EFHC2: variants seen among roughly 807,000 people sequenced by gnomAD.
The protein encoded by EFHC2 is EF-hand domain-containing family member C2.
In EFHC2, 18 loss-of-function variants were observed where a neutral mutation model predicts 52.7. The ratio of observed to expected loss-of-function variants is 0.34; its 90% confidence interval spans 0.24 to 0.51. The LOEUF (loss-of-function observed/expected upper bound fraction) is 0.51. Among genes scored for constraint, EFHC2 ranks in the 20% least tolerant of loss-of-function variants. The pLI, the probability that EFHC2 is intolerant of heterozygous loss-of-function variation, is 0.97. For synonymous variants in EFHC2, 203 were observed against 204.1 expected (o/e 0.99, Z 0.04); for missense variants, 513 against 562.5 (o/e 0.91, Z 0.89).
intron 11 of EFHC2, among the ~76,000 whole-genome samples, chrX:44,209,221 C>A (rs1393887357): frequency 9.0e-6 from 1 of 110,642 alleles, no homozygotes; most frequent in East Asian, 2.8e-4. Flanking sequence ...AAACAGAATG[C>A]AAAATTCACA....
At chrX:44,192,096 A>G (rs199547459) in intron 11 of EFHC2, among the ~76,000 whole-genome samples, 5 of 93,001 alleles carry the variant, frequency 5.4e-5, no homozygotes, top group African/African-American at 2.1e-4. Context: ...GTGTGTGTGT[A>G]TAAAACCTGT....
chrX:44,179,581 T>C (rs1410649057), intron 11 of EFHC2, among the ~76,000 whole-genome samples: 1 of 112,250 alleles, frequency 8.9e-6, no homozygotes, highest in Non-Finnish European at 1.9e-5. Flanking sequence ...TTGACCTATC[T>C]AAAGGAAATT....
chrX:44,315,332 G>A (rs1003456422), intron 1 of EFHC2, among the ~76,000 whole-genome samples: 17 of 109,966 alleles, frequency 1.5e-4, no homozygotes, highest in African/African-American at 3.7e-4. Flanking sequence ...CCAGCCTCAC[G>A]TATTTCTTTA....
Position 44,309,876 on chromosome X carries a change from A to C in EFHC2, c.231+2692T>G, listed in dbSNP as rs926556418. 4.3e-6 allele frequency: 5 copies of C among 1,171,887 alleles called. No individual in the cohort carries two copies. The African/African-American group carries it at 7.1e-5, about 17-fold the overall frequency. ...CCCAATCTGCCTTCTTCTTGACACA[A>C]GGCATCGTTCAATGGCATTGAAGAG... On this transcript the variant is annotated intron_variant, in intron 2 of 14. Transcript: ENST00000420999.
At position 44,232,688 on chromosome X, in the gene EFHC2, T is replaced by C. The variant is rs772786586; in HGVS notation, c.1424-11A>G. The C allele has an allele frequency of 3.7e-5, 44 of 1,176,642 alleles. No homozygotes were observed. The highest frequency in any genetic ancestry group is 4.9e-5 in the Non-Finnish European group (43 of 878,026). On this transcript the variant is annotated splice_polypyrimidine_tract_variant and intron_variant, in intron 9 of 14. Coordinates refer to ENST00000420999, the MANE Select transcript of EFHC2 (RefSeq NM_025184.4). Reference sequence around the variant, plus strand: ...TCCCACCAGCAATTCCTATAAAAAATAGAAAAGTTCATGAGCAGCCTTTAT... The same window carrying C: ...TCCCACCAGCAATTCCTATAAAAAACAGAAAAGTTCATGAGCAGCCTTTAT...
intron 7 of EFHC2, among the ~76,000 whole-genome samples, chrX:44,244,393 A>G (rs769231131): frequency 1.8e-5 from 2 of 112,203 alleles, no homozygotes; most frequent in Non-Finnish European, 3.8e-5. Flanking sequence ...TTGGTTTTCC[A>G]TCATCCCAGC....
At chrX:44,328,948 T>G (rs2038069470) in intron 1 of EFHC2, among the ~76,000 whole-genome samples, 1 of 111,763 alleles carries the variant, frequency 8.9e-6, no homozygotes, top group Non-Finnish European at 1.9e-5. Flanking sequence ...GCTCCCGGAC[T>G]GTGGAGTGTA....
chrX:44,226,322 G>A (rs773959119), intron 11 of EFHC2, among the ~76,000 whole-genome samples: 29 of 111,388 alleles, frequency 2.6e-4, no homozygotes, highest in African/African-American at 8.8e-4. Context: ...TGAAGCTGCA[G>A]ATGTAAAGAA....
At chrX:44,205,049 A>G (rs2037037474) in intron 11 of EFHC2, among the ~76,000 whole-genome samples, 1 of 111,882 alleles carries the variant, frequency 8.9e-6, no homozygotes, top group Admixed American at 9.5e-5. Flanking sequence ...TTGGAGACCT[A>G]TTTTTAGCCT....
At chrX:44,214,545 TAA>T (rs1339022569) in intron 11 of EFHC2, among the ~76,000 whole-genome samples, 3 of 111,871 alleles carry the variant, frequency 2.7e-5, no homozygotes, top group Non-Finnish European at 5.6e-5. Context: ...GAAGGAGAAA[TAA>T]AGACTTTCTC....
At chrX:44,181,230 G>A (rs2036833148) in intron 11 of EFHC2, among the ~76,000 whole-genome samples, 1 of 111,451 alleles carries the variant, frequency 9.0e-6, no homozygotes, top group Non-Finnish European at 1.9e-5. Flanking sequence ...AAGACCAGAA[G>A]GATGCATGCC....
rs374536009 is a variant in EFHC2 at position 44,176,311 on chromosome X, G to C, written c.2023C>G (p.Leu675Val). 5 of 1,200,389 alleles carry C rather than the reference G, an allele frequency of 4.2e-6. No homozygotes were observed. In the South Asian group the frequency reaches 5.5e-5, roughly 13 times the overall value. ...SSRLPLSDDLLESLLSRFEDS... is the reference protein window; with the variant it reads ...SSRLPLSDDLVESLLSRFEDS... The stretch of plus-strand genomic sequence containing the variant: ...ACTTACCTTGACAATAAGGATTCTA[G>C]AAGATCATCACTCAAAGGTAATCTG... The change falls in exon 13 of 15, where the codon CTA becomes GTA. Residue 675 changes from leucine (L) to valine (V), a missense_variant. Leu to Val is a conservative substitution (Grantham distance 32, BLOSUM62 1). Transcript: ENST00000420999.
chrX:44,316,953 G>A (rs1003167939), intron 1 of EFHC2, among the ~76,000 whole-genome samples: 3 of 111,962 alleles, frequency 2.7e-5, no homozygotes, highest in African/African-American at 9.7e-5. Context: ...ACTACTGTTA[G>A]TACTTGAGAC....
intron 2 of EFHC2, among the ~76,000 whole-genome samples, chrX:44,277,237 C>T (rs990654697): frequency 4.7e-5 from 4 of 85,073 alleles, no homozygotes; most frequent in African/African-American, 1.5e-4. Flanking sequence ...CCAGCCTGGG[C>T]GACAGAGCGA....
intron 11 of EFHC2, among the ~76,000 whole-genome samples, chrX:44,217,390 G>T (rs971891579): frequency 4.5e-5 from 5 of 111,760 alleles, no homozygotes; most frequent in Non-Finnish European, 7.5e-5. Context: ...CAAAAGAAAA[G>T]AAATCAGTAT....
At chrX:44,225,688 T>C (rs1425096693) in intron 11 of EFHC2, 1 of 112,080 alleles carries the variant, frequency 8.9e-6, no homozygotes, top group African/African-American at 3.2e-5. Flanking sequence ...AACTTACATT[T>C]TCAGAGTTTC....
At chrX:44,240,792 G>A (rs982365426) in intron 8 of EFHC2, among the ~76,000 whole-genome samples, 7 of 110,909 alleles carry the variant, frequency 6.3e-5, no homozygotes, top group African/African-American at 2.3e-4. Context: ...TCAGTCTGGG[G>A]GTGGGGGAGA....
intron 8 of EFHC2, among the ~76,000 whole-genome samples, chrX:44,237,331 G>C (rs1196329585): frequency 9.0e-6 from 1 of 111,722 alleles, no homozygotes; most frequent in Non-Finnish European, 1.9e-5. Context: ...AAACTTCCCA[G>C]AATATTCTTT....
rs754499688 is a variant in EFHC2, at chrX:44,250,316, G to T, written c.736C>A (p.Arg246Ser). The T allele has an allele frequency of 8.3e-7, 1 of 1,210,760 alleles. No homozygotes were observed. ...AAGTAATGCAGGATGAGTTCTCTACGGTCTCCAAACATTGAGACTGAGTCA... is the reference window on the plus strand; with the variant it reads ...AAGTAATGCAGGATGAGTTCTCTACTGTCTCCAAACATTGAGACTGAGTCA... Reference protein sequence around the residue: ...WDDSVSMFGDRRELILHYFLC... With the variant: ...WDDSVSMFGDSRELILHYFLC... The change falls in exon 5 of 15, where the codon CGT (arginine) becomes AGT (serine). Residue 246 changes from arginine (R) to serine (S), a missense_variant. Transcript: ENST00000420999.
Sources: allele counts gnomAD v4.1 joint callset (sites outside exome capture counted in the v4.1 genomes callset), GRCh38; gene constraint gnomAD v4.1.1; transcripts MANE v1.5; gene names NCBI Gene and HGNC (gene_info 2026-07-23, HGNC 2026-07-21).